ELOC: variants seen among roughly 807,000 people sequenced by gnomAD.
ELOC encodes the protein elongin C.
For missense variants in ELOC, 38 were observed against 139.0 expected, an observed-to-expected ratio of 0.27 and a Z score of 3.65; for synonymous variants, 40 against 51.3, an observed-to-expected ratio of 0.78 and a Z score of 0.94.
chr8:73,957,149 G>C (rs986238485), intron 2 of ELOC, among the ~76,000 whole-genome samples: 4 of 150,432 alleles, frequency 2.7e-5, no homozygotes, highest in African/African-American at 9.8e-5. Flanking sequence ...CTCCAGCCTG[G>C]GAAACAGAGA....
intron 3 of ELOC, among the ~76,000 whole-genome samples, chr8:73,948,950 A>G (rs1440111952): frequency 6.6e-6 from 1 of 152,252 alleles, no homozygotes; most frequent in Admixed American, 6.5e-5. Flanking sequence ...TGATCATGTT[A>G]ACGAGATCTC....
intron 3 of ELOC, chr8:73,955,630 G>A (rs1814122888): frequency 9.8e-6 from 3 of 306,772 alleles, no homozygotes; most frequent in Non-Finnish European, 1.2e-5. Flanking sequence ...AAATTAGCCA[G>A]GGGTGGTGGT....
intron 1 of ELOC, chr8:73,970,689 T>C (rs1206925547): frequency 1.3e-5 from 2 of 151,798 alleles, no homozygotes; most frequent in African/African-American, 4.8e-5. Flanking sequence ...TCATTTTAGG[T>C]AACTGAATAG....
intron 2 of ELOC, among the ~76,000 whole-genome samples, chr8:73,957,867 C>T (rs138354757): frequency 0.014 from 2,121 of 152,242 alleles, 32 homozygotes; most frequent in African/African-American, 0.04. Flanking sequence ...CAACTTCCAC[C>T]TCCCAGGTTC....
intron 3 of ELOC, among the ~76,000 whole-genome samples, chr8:73,948,608 T>G (rs964531585): frequency 1.3e-5 from 2 of 152,204 alleles, no homozygotes; most frequent in African/African-American, 4.8e-5. Context: ...CTATTTAAAC[T>G]ATTTAACTGT....
chr8:73,959,058 T>C (rs909201733), intron 2 of ELOC, among the ~76,000 whole-genome samples: 9 of 152,150 alleles, frequency 5.9e-5, no homozygotes, highest in Non-Finnish European at 1.0e-4. Flanking sequence ...AGTAGAAATA[T>C]AGCATAAAAG....
In ELOC at chr8:73,961,069, T is replaced by A. The variant is rs959100928; in HGVS notation, c.-50-1251A>T. On this transcript the variant is annotated intron_variant, in intron 1 of 3. Coordinates refer to ENST00000520242, the MANE Select transcript of ELOC (RefSeq NM_005648.4). ...CAGGCTAAGTTTTGAAATTTAACAA[T>A]AAAGTGGTTAAAAATGTACAAGTTT... 1.2e-4 allele frequency among the ~76,000 whole-genome samples: 18 copies of A among 152,310 alleles called. No individual in the cohort carries two copies. In the East Asian group the frequency reaches 3.1e-3, roughly 26 times the overall value.
At chr8:73,960,618 G>T (rs1814524405) in intron 1 of ELOC, among the ~76,000 whole-genome samples, 1 of 152,150 alleles carries the variant, frequency 6.6e-6, no homozygotes, top group African/African-American at 2.4e-5. Context: ...CAAAGCTCAA[G>T]TGAGCTTTTG....
In ELOC at chr8:73,971,048, A is replaced by G. The variant is rs1223954066; in HGVS notation, c.-51+1029T>C. ...ACTCCGTCTCAAAAAAAAAAAAAAA[A>G]AAAGAAAAAGAAAAAAAGCAAATAT... On this transcript the variant is annotated intron_variant, in intron 1 of 3. Coordinates refer to ENST00000520242, the MANE Select transcript of ELOC (RefSeq NM_005648.4). 4.6e-5 allele frequency among the ~76,000 whole-genome samples: 7 copies of G among 150,694 alleles called. No homozygotes were observed. The South Asian group carries it at 6.2e-4, about 13-fold the overall frequency.
At chr8:73,948,372 T>G (rs1813521280) in intron 3 of ELOC, among the ~76,000 whole-genome samples, 1 of 152,186 alleles carries the variant, frequency 6.6e-6, no homozygotes, top group Admixed American at 6.6e-5. Flanking sequence ...ATCAAGTCTT[T>G]ATGGATCATT....
chr8:73,947,897 A>C (rs969314568), intron 3 of ELOC, among the ~76,000 whole-genome samples: 1 of 152,216 alleles, frequency 6.6e-6, no homozygotes, highest in African/African-American at 2.4e-5. Context: ...AACCTTTACT[A>C]AAATAGTACT....
At chr8:73,947,747 G>T (rs1414525585) in intron 3 of ELOC, among the ~76,000 whole-genome samples, 1 of 151,622 alleles carries the variant, frequency 6.6e-6, no homozygotes, top group Non-Finnish European at 1.5e-5. Context: ...GATAATTCTT[G>T]TATTTTTTGT....
chr8:73,960,030 G>A (rs1284899633), intron 1 of ELOC, among the ~76,000 whole-genome samples: 1 of 152,106 alleles, frequency 6.6e-6, no homozygotes, highest in Non-Finnish European at 1.5e-5. Context: ...TGGCACTTCT[G>A]AATCAGAGAA....
chr8:73,956,412 A>C (rs1237359301), intron 2 of ELOC, among the ~76,000 whole-genome samples: 1 of 152,174 alleles, frequency 6.6e-6, no homozygotes, highest in Non-Finnish European at 1.5e-5. Flanking sequence ...ATAAAAAATA[A>C]ACAGATTTAT....
chr8:73,964,287 C>G (rs970137813), intron 1 of ELOC, among the ~76,000 whole-genome samples: 4 of 148,110 alleles, frequency 2.7e-5, no homozygotes, highest in Admixed American at 1.4e-4. Flanking sequence ...TTTCCTGAAT[C>G]CTTATATGGA....
chr8:73,969,825 G>A (rs1212746864), intron 1 of ELOC, among the ~76,000 whole-genome samples: 1 of 152,118 alleles, frequency 6.6e-6, no homozygotes, highest in Non-Finnish European at 1.5e-5. Context: ...AATAGTGCCT[G>A]GCACTTAGTA....
At chr8:73,971,034 A>AAAAAG (rs1815350833) in intron 1 of ELOC, among the ~76,000 whole-genome samples, 4 of 115,900 alleles carry the variant, frequency 3.5e-5, no homozygotes, top group Admixed American at 3.2e-4. Flanking sequence ...CTCCGTCTCA[A>AAAAAG]AAAAAAAAAA....
chr8:73,951,647 C>CAACAACA (rs1813766225), intron 3 of ELOC, among the ~76,000 whole-genome samples: 122 of 149,920 alleles, frequency 8.1e-4, no homozygotes, highest in South Asian at 1.9e-3. Flanking sequence ...CAAAAAACCC[C>CAACAACA]ACAACAACAA....
intron 2 of ELOC, among the ~76,000 whole-genome samples, chr8:73,957,785 T>A (rs1814296433): frequency 6.6e-6 from 1 of 152,152 alleles, no homozygotes; most frequent in Non-Finnish European, 1.5e-5. Context: ...ACTATTTGTT[T>A]ATTTATTTTT....
Sources: allele counts gnomAD v4.1 joint callset (sites outside exome capture counted in the v4.1 genomes callset), GRCh38; gene constraint gnomAD v4.1.1; transcripts MANE v1.5; gene names NCBI Gene and HGNC (gene_info 2026-07-23, HGNC 2026-07-21).